Variants in ANO7 observed in about 807,000 individuals in gnomAD.
ANO7 encodes the protein anoctamin-7.
A neutral mutation model predicts 115.8 loss-of-function variants in ANO7; 114 were observed. That is an observed-to-expected ratio of 0.98 (90% confidence interval 0.85 to 1.15). ANO7 has a LOEUF of 1.15. Ranked by LOEUF, ANO7 falls within the 50% of genes most tolerant of loss-of-function variation. The probability of loss-of-function intolerance (pLI) is 0.00; values close to 1 mark genes in which losing one functional copy is unlikely to be tolerated. For missense variants in ANO7, 1,302 were observed against 1,201.2 expected (o/e 1.08, Z -1.24); for synonymous variants, 550 against 498.2 (o/e 1.10, Z -1.38).
chr2:241,239,794 C>G, the ANO7 span: 1 of 1,613,940 alleles, frequency 6.2e-7, no homozygotes, highest in Non-Finnish European at 8.5e-7. This position sits in a 1 kb window ranked among gnomAD's most constrained non-coding sequence, Gnocchi z 4.6. Context: ...TGGGGTCCAC[C>G]AGCATGGAGT....
chr2:241,196,183 A>C, intron 4 of ANO7: 2 of 1,227,452 alleles, frequency 1.6e-6, no homozygotes, highest in Non-Finnish European at 1.0e-6. Flanking sequence ...TGTGTTTATG[A>C]CTCTCAGTGT....
rs1478138058 is a variant in ANO7 at position 241,212,631 on chromosome 2, G to A, written c.1728+5G>A. ...TTTGGAGTCCGCAATGAGGAGGTGA[G>A]TGTGCCTGAGGCCCGGGACTGGGGG... On this transcript the variant is annotated splice_donor_5th_base_variant and intron_variant, in intron 17 of 24. Transcript: ENST00000674324. The A allele has an allele frequency of 1.2e-6, 2 of 1,611,926 alleles. 1 individual carries two copies. The highest frequency in any genetic ancestry group is 2.2e-5 in the South Asian group (2 of 90,434).
downstream of ANO7, chr2:241,227,702 A>G (rs1574812300): frequency 1.3e-5 from 2 of 152,736 alleles, no homozygotes; most frequent in East Asian, 1.9e-4. Context: ...AGGATGTTTT[A>G]TGACACTGTA....
At chr2:241,205,016 C>T (rs1047946504) in intron 10 of ANO7, 61 bp downstream of exon 10, 41 of 1,485,422 alleles carry the variant, frequency 2.8e-5, no homozygotes, top group South Asian at 1.0e-4. Flanking sequence ...GGGTGTGGGG[C>T]GGGGGGACCC....
chr2:241,189,399 G>T (rs756127710), intron 1 of ANO7, among the ~76,000 whole-genome samples: 1 of 152,136 alleles, frequency 6.6e-6, no homozygotes, highest in Non-Finnish European at 1.5e-5. Flanking sequence ...GCCCCAGCTC[G>T]AACCCTCTCC....
At chr2:241,191,045 G>A (rs574709613) in intron 2 of ANO7, 149 bp from the exon 3 acceptor site, 229 of 882,442 alleles carry the variant, frequency 2.6e-4, no homozygotes, top group African/African-American at 1.8e-4. Flanking sequence ...CTACCCACCC[G>A]CCGAACATTC....
chr2:241,217,856 C>T lies in ANO7; in HGVS notation c.2143C>T (p.Leu715=), dbSNP rs780102618. ...GGACATCGGCATCTGGTTCCACATCCTGGCGGGCCTCACGCACCTGGCGGT... is the reference window on the plus strand; with the variant it reads ...GGACATCGGCATCTGGTTCCACATCTTGGCGGGCCTCACGCACCTGGCGGT... ...AQDIGIWFHI[L]AGLTHLAVIS... The change falls in exon 20 of 25, where the codon CTG becomes TTG. Residue 715 remains leucine, a synonymous_variant. Transcript: ENST00000674324. 3.1e-6 allele frequency: 5 copies of T among 1,603,132 alleles called. No individual in the cohort carries two copies. Among genetic ancestry groups the T allele is most frequent in the African/African-American group, 1.3e-5 (1 of 74,460 alleles).
intron 21 of ANO7, among the ~76,000 whole-genome samples, chr2:241,220,777 G>A (rs558930855): frequency 7.2e-5 from 11 of 152,144 alleles, no homozygotes; most frequent in African/African-American, 2.7e-4. Context: ...TCCAGCCTGG[G>A]CAACAGAGCA....
At chr2:241,234,068 T>C in the ANO7 span, 2 of 1,317,542 alleles carry the variant, frequency 1.5e-6, no homozygotes, top group East Asian at 2.3e-5. Flanking sequence ...GCTGCAGTGT[T>C]CTGTAACCCG....
At chr2:241,221,720 A>C (rs999560128) in intron 21 of ANO7, among the ~76,000 whole-genome samples, 2 of 150,828 alleles carry the variant, frequency 1.3e-5, no homozygotes, top group East Asian at 2.0e-4. Flanking sequence ...TCTTGTCGCC[A>C]AGGCTGGAGT....
In ANO7 at chr2:241,218,322, C is replaced by T; in HGVS notation, c.2262C>T (p.Leu754=). The change falls in exon 21 of 25, where the codon CTC becomes CTT. Residue 754 remains leucine, a synonymous_variant. Transcript: ENST00000674324. ...WTRAHDLRGF[L]NFTLARAPSS... is the part of the protein sequence containing the mutation. ...GCGCCCACGACCTGCGCGGCTTCCTCAACTTCACGCTGGCGCGAGCCCCGT... is the reference window on the plus strand; with the variant it reads ...GCGCCCACGACCTGCGCGGCTTCCTTAACTTCACGCTGGCGCGAGCCCCGT... 6.6e-7 allele frequency: 1 copy of T among 1,520,444 alleles called. No homozygotes were observed. The highest frequency in any genetic ancestry group is 8.8e-7 in the Non-Finnish European group (1 of 1,141,242). 94.2% of individuals were successfully genotyped at this position (1,520,444 alleles called of 1,614,324 possible). A position where few individuals can be genotyped will look rare whatever the true frequency, so the allele number is the denominator to read the frequency against.
intron 3 of ANO7, among the ~76,000 whole-genome samples, chr2:241,193,283 A>G (rs891078528): frequency 6.6e-6 from 1 of 152,062 alleles, no homozygotes; most frequent in Admixed American, 6.6e-5. Flanking sequence ...TTGGTTGGGC[A>G]GGTCTTGAAC....
At chr2:241,237,695 G>A in the ANO7 span, among the ~76,000 whole-genome samples, 1 of 151,232 alleles carries the variant, frequency 6.6e-6, no homozygotes, top group South Asian at 2.1e-4. Context: ...ATGAATAAAG[G>A]GACATGTCTA....
At chr2:241,234,295 G>C in the ANO7 span, among the ~76,000 whole-genome samples, 1 of 152,134 alleles carries the variant, frequency 6.6e-6, no homozygotes, top group Non-Finnish European at 1.5e-5. Flanking sequence ...TGTCAAACAG[G>C]GATCTGATGG....
chr2:241,229,695 G>A, downstream of ANO7: 2 of 1,613,962 alleles, frequency 1.2e-6, no homozygotes, highest in Non-Finnish European at 1.7e-6. Context: ...AGCCTGTGCA[G>A]AGAGAGGACA....
intron 7 of ANO7, among the ~76,000 whole-genome samples, chr2:241,201,766 GGCCC>G (rs2068478024): frequency 1.3e-5 from 2 of 152,220 alleles, no homozygotes; most frequent in Non-Finnish European, 2.9e-5. Flanking sequence ...ACCCAAGAGA[GGCCC>G]TGCTGACCAC....
At chr2:241,191,838 G>A (rs1031708884) in intron 3 of ANO7, among the ~76,000 whole-genome samples, 29 of 152,176 alleles carry the variant, frequency 1.9e-4, no homozygotes, top group African/African-American at 6.5e-4. Context: ...CATTGCTGGA[G>A]GGAGTGTAAA....
chr2:241,226,600 A>G (rs1666139087), downstream of ANO7, among the ~76,000 whole-genome samples: 1 of 151,866 alleles, frequency 6.6e-6, no homozygotes, highest in Non-Finnish European at 1.5e-5. Context: ...AATTTTTTGC[A>G]TTTTTAATAG....
At chr2:241,233,213 G>A in the ANO7 span, among the ~76,000 whole-genome samples, 1,162 of 152,326 alleles carry the variant, frequency 7.6e-3, 13 homozygotes, top group African/African-American at 0.027. This position sits in a 1 kb window ranked among gnomAD's most constrained non-coding sequence, Gnocchi z 4.3. Flanking sequence ...CCAAGCCTGG[G>A]AAGTGTGTGC....
Sources: gnomAD v4.1 joint callset for allele counts (sites outside exome capture counted in the v4.1 genomes callset) on GRCh38, gnomAD v4.1.1 for gene constraint, Gnocchi (gnomAD v3.1) non-coding constraint, MANE v1.5 for transcripts, NCBI Gene and HGNC (gene_info 2026-07-23, HGNC 2026-07-21) for gene names.